ANKS1B: variants seen among roughly 807,000 people sequenced by gnomAD.
ANKS1B encodes the protein ankyrin repeat and sterile alpha motif domain-containing protein 1B.
A neutral mutation model predicts 148.3 loss-of-function variants in ANKS1B; 36 were observed. That is an observed-to-expected ratio of 0.24 (90% CI 0.19 to 0.32). The LOEUF (loss-of-function observed/expected upper bound fraction) is 0.32. Among genes scored for constraint, ANKS1B ranks in the 10% least tolerant of loss-of-function variants. The pLI is 1.00. For synonymous variants in ANKS1B, 542 were observed against 560.8 expected (o/e 0.97, Z 0.47); for missense variants, 1,157 against 1,542.6 (o/e 0.75, Z 4.19).
intron 8 of ANKS1B, among the ~76,000 whole-genome samples, chr12:99,745,848 T>C (rs2060543909): frequency 6.6e-6 from 1 of 152,036 alleles, no homozygotes; most frequent in Non-Finnish European, 1.5e-5. Flanking sequence ...ATACAATATT[T>C]AACTACTGAT....
intron 1 of ANKS1B, among the ~76,000 whole-genome samples, chr12:99,929,186 C>T (rs988243739): frequency 6.6e-6 from 1 of 152,166 alleles, no homozygotes; most frequent in East Asian, 1.9e-4. Context: ...TATCCTATTG[C>T]AATGTTCTCA....
intron 17 of ANKS1B, among the ~76,000 whole-genome samples, chr12:98,940,370 G>C (rs189983172): frequency 9.2e-5 from 14 of 152,262 alleles, no homozygotes; most frequent in African/African-American, 2.6e-4. Flanking sequence ...TGTGAGGAGG[G>C]GGGTGCAGAG....
At chr12:99,010,909 T>C (rs1036421338) in intron 17 of ANKS1B, among the ~76,000 whole-genome samples, 1 of 149,590 alleles carries the variant, frequency 6.7e-6, no homozygotes, top group African/African-American at 2.5e-5. Flanking sequence ...TTGTTTTTTT[T>C]TTTTTTTTTT....
At chr12:98,888,797 C>T (rs551122353) in intron 17 of ANKS1B, among the ~76,000 whole-genome samples, 1 of 152,356 alleles carries the variant, frequency 6.6e-6, no homozygotes, top group South Asian at 2.1e-4. Context: ...GTGCTTCACC[C>T]TGCTGGATGG....
At chr12:99,859,440 T>C (rs1231926338) in intron 1 of ANKS1B, among the ~76,000 whole-genome samples, 2 of 152,198 alleles carry the variant, frequency 1.3e-5, no homozygotes, top group Non-Finnish European at 2.9e-5. Flanking sequence ...GAGGTACTGT[T>C]AGCTTTGCTA....
At chr12:99,571,567 T>C (rs925494692) in intron 9 of ANKS1B, among the ~76,000 whole-genome samples, 11 of 152,138 alleles carry the variant, frequency 7.2e-5, no homozygotes, top group Admixed American at 1.3e-4. Context: ...ACAAACATGT[T>C]TCCCATCTTT....
At chr12:99,394,663 ACACT>A (rs752587126) in intron 12 of ANKS1B, among the ~76,000 whole-genome samples, 2 of 152,248 alleles carry the variant, frequency 1.3e-5, no homozygotes, top group African/African-American at 2.4e-5. Context: ...TCAGAACAAG[ACACT>A]CACCAAAAGA....
intron 8 of ANKS1B, among the ~76,000 whole-genome samples, chr12:99,744,333 C>T (rs2060392783): frequency 6.6e-6 from 1 of 152,128 alleles, no homozygotes; most frequent in African/African-American, 2.4e-5. Context: ...TGGTGAGGCA[C>T]AAATTCCCTG....
intron 22 of ANKS1B, among the ~76,000 whole-genome samples, chr12:98,787,940 CAA>C (rs35105574): frequency 1.1e-4 from 15 of 135,272 alleles, no homozygotes; most frequent in African/African-American, 1.9e-4. Context: ...ACTCCATCTC[CAA>C]AAAAAAAAAA....
intron 10 of ANKS1B, among the ~76,000 whole-genome samples, chr12:99,490,481 A>G (rs1031570743): frequency 2.6e-5 from 4 of 152,320 alleles, no homozygotes; most frequent in Admixed American, 2.0e-4. Context: ...ATTATTTTTA[A>G]TTCTCTATTT....
chr12:99,934,873 T>C (rs1218684844), intron 1 of ANKS1B, among the ~76,000 whole-genome samples: 1 of 152,098 alleles, frequency 6.6e-6, no homozygotes, highest in Non-Finnish European at 1.5e-5. Context: ...TAAATGCTTG[T>C]CTAAGTATAG....
In ANKS1B at chr12:98,756,475, G is replaced by A. The variant is rs149676814; in HGVS notation, c.3580-4953C>T. On this transcript the variant is annotated intron_variant, in intron 25 of 26. Transcript: ENST00000683438. ...CAGTATTAGAACAGACTAATATAGA[G>A]GCTGAGGTGGGTGGATCACTTGAGG... Among the ~76,000 whole-genome samples, 293 of 151,706 alleles carry A rather than the reference G, an allele frequency of 1.9e-3. 3 individuals carry two copies. The highest frequency in any genetic ancestry group is 6.8e-3 in the African/African-American group (282 of 41,344).
intron 17 of ANKS1B, among the ~76,000 whole-genome samples, chr12:98,998,200 A>G (rs1477367055): frequency 2.6e-5 from 4 of 152,202 alleles, no homozygotes; most frequent in Non-Finnish European, 5.9e-5. Flanking sequence ...ACTTCATGAT[A>G]ATTGTAATTA....
At chr12:99,519,204 A>T (rs1442793188) in intron 9 of ANKS1B, among the ~76,000 whole-genome samples, 1 of 152,100 alleles carries the variant, frequency 6.6e-6, no homozygotes, top group Non-Finnish European at 1.5e-5. Flanking sequence ...TCAGTCACTG[A>T]GTGAGATGTT....
At chr12:99,761,230 G>A (rs1453416879) in intron 8 of ANKS1B, among the ~76,000 whole-genome samples, 1 of 127,518 alleles carries the variant, frequency 7.8e-6, no homozygotes, top group Non-Finnish European at 1.7e-5. Context: ...ATCAAAACCT[G>A]GCAAAGACAC....
chr12:99,242,266 C>G (rs1178405529), intron 14 of ANKS1B, among the ~76,000 whole-genome samples: 1 of 152,116 alleles, frequency 6.6e-6, no homozygotes, highest in Non-Finnish European at 1.5e-5. Context: ...AACAGAAAGT[C>G]AAAACATGAG....
intron 9 of ANKS1B, among the ~76,000 whole-genome samples, chr12:99,586,343 C>A (rs902048761): frequency 6.6e-6 from 1 of 152,198 alleles, no homozygotes; most frequent in Non-Finnish European, 1.5e-5. Context: ...CAGTTCCCAA[C>A]AAGTTCTTCA....
intron 17 of ANKS1B, among the ~76,000 whole-genome samples, chr12:99,006,610 C>T (rs2099936285): frequency 1.3e-5 from 2 of 152,172 alleles, no homozygotes; most frequent in Admixed American, 1.3e-4. Context: ...CCTCTTGTTG[C>T]AAATCCTGCT....
chr12:99,623,777 A>G (rs972287213), intron 9 of ANKS1B, among the ~76,000 whole-genome samples: 3 of 152,144 alleles, frequency 2.0e-5, no homozygotes, highest in African/African-American at 4.8e-5. Context: ...ATGGAAAAAC[A>G]TTCCACGCTC....
Sources: gnomAD v4.1 joint callset for allele counts (sites outside exome capture counted in the v4.1 genomes callset) on GRCh38, gnomAD v4.1.1 for gene constraint, MANE v1.5 for transcripts, NCBI Gene and HGNC (gene_info 2026-07-23, HGNC 2026-07-21) for gene names.